Variants in PCBP3 observed in about 807,000 individuals in gnomAD.
PCBP3 encodes the protein poly(rC) binding protein 3.
Under a neutral mutation model 52.7 loss-of-function variants are expected in PCBP3, and 25 were observed. The observed-to-expected ratio is 0.47, with a 90% confidence interval of 0.35 to 0.66. PCBP3 has a LOEUF of 0.66. PCBP3 is among the 30% of genes least tolerant of loss of function. PCBP3 has a pLI of 0.01. For missense variants in PCBP3, 391 were observed against 490.3 expected (o/e 0.80, Z 1.91); for synonymous variants, 162 against 183.0 (o/e 0.89, Z 0.93).
chr21:45,739,678 T>G (rs1217344303), intron 3 of PCBP3, among the ~76,000 whole-genome samples: 13 of 109,912 alleles, frequency 1.2e-4, no homozygotes, highest in East Asian at 6.1e-4. Flanking sequence ...TCCTATCCAT[T>G]GTCCTCTGGG....
chr21:45,887,635 G>C (rs761779945), intron 5 of PCBP3, among the ~76,000 whole-genome samples: 3 of 152,364 alleles, frequency 2.0e-5, no homozygotes, highest in Middle Eastern at 3.4e-3. Context: ...GGTTTCCACT[G>C]GGCACCCAGG....
rs562930001 is a variant in PCBP3, at chr21:45,747,604, G to A, written c.-161-7813G>A. ...CGGGCCCCAGAACCAGGAGGGCCAG[G>A]GAAGACCTGGAGGTCTTGGCCGGCT... On this transcript the variant is annotated intron_variant, in intron 3 of 17. Coordinates refer to ENST00000681687, the MANE Select transcript of PCBP3 (RefSeq NM_001384156.1). Among the ~76,000 whole-genome samples, 10 of 152,356 alleles carry A rather than the reference G, an allele frequency of 6.6e-5. No homozygotes were observed. The East Asian group carries it at 1.9e-3, about 29-fold the overall frequency.
At chr21:45,798,745 TAGAG>T (rs1283634949) in intron 4 of PCBP3, among the ~76,000 whole-genome samples, 4 of 144,866 alleles carry the variant, frequency 2.8e-5, no homozygotes, top group African/African-American at 1.0e-4. Flanking sequence ...CATGGATCCA[TAGAG>T]AGAGTGAATG....
chr21:45,672,978 C>G (rs2081262931), intron 2 of PCBP3, among the ~76,000 whole-genome samples: 1 of 152,076 alleles, frequency 6.6e-6, no homozygotes, highest in South Asian at 2.1e-4. Context: ...TTCTCTTCCC[C>G]CTGAGCTGGA....
intron 2 of PCBP3, among the ~76,000 whole-genome samples, chr21:45,732,354 AG>A (rs940662913): frequency 2.0e-4 from 31 of 152,218 alleles, no homozygotes; most frequent in African/African-American, 7.0e-4. Flanking sequence ...GATAATAAAA[AG>A]GTTCCTGTAG....
chr21:45,739,043 C>T (rs2086138423), intron 3 of PCBP3, among the ~76,000 whole-genome samples: 1 of 129,030 alleles, frequency 7.8e-6, no homozygotes, highest in Admixed American at 7.5e-5. Context: ...TCAGCCCACC[C>T]CTTCCTGTCC....
chr21:45,931,198 A>G (rs1416457855), intron 15 of PCBP3, among the ~76,000 whole-genome samples: 2 of 152,256 alleles, frequency 1.3e-5, no homozygotes. Context: ...CCCGACTTGC[A>G]TTAAAATGTT....
In PCBP3 at chr21:45,728,375, T is replaced by C. The variant is rs909217205; in HGVS notation, c.-199-7017T>C. On this transcript the variant is annotated intron_variant, in intron 2 of 17. Coordinates refer to ENST00000681687, the MANE Select transcript of PCBP3 (RefSeq NM_001384156.1). Reference sequence around the variant, plus strand: ...TGGTGTTTCTTTTTTGTTTATATGGTGAATTACATTGATAGCTTTAAAAAA... The same window carrying C: ...TGGTGTTTCTTTTTTGTTTATATGGCGAATTACATTGATAGCTTTAAAAAA... 2.0e-5 allele frequency among the ~76,000 whole-genome samples: 3 copies of C among 152,346 alleles called. No homozygotes were observed. In the South Asian group the frequency reaches 6.2e-4, roughly 32 times the overall value.
chr21:45,762,481 C>CTTCTCTTTTTT (rs1440812461), intron 4 of PCBP3: 1 of 106,006 alleles, frequency 9.4e-6, no homozygotes, highest in African/African-American at 3.1e-5. Flanking sequence ...TTTTTCTTTT[C>CTTCTCTTTTTT]TTTTCTTCTC....
chr21:45,899,572 C>T (rs768225851), intron 6 of PCBP3, 27 bp from the exon 7 acceptor site: 4 of 1,599,922 alleles, frequency 2.5e-6, no homozygotes, highest in Non-Finnish European at 2.6e-6. Flanking sequence ...ATGACATCAT[C>T]TTTCTGTGAT....
rs987116474 is a variant in PCBP3, at chr21:45,928,081, C to T, written c.718-1836C>T. Among the ~76,000 whole-genome samples, 1 of 152,234 alleles carries T rather than the reference C, an allele frequency of 6.6e-6. No homozygotes were observed. Among genetic ancestry groups the T allele is most frequent in the Non-Finnish European group, 1.5e-5 (1 of 68,036 alleles). ...CTGGGACACTTGCGGTCTTTCCTGA[C>T]GTGCCCCGTCCAGGTGGGGCGCCTT... On this transcript the variant is annotated intron_variant, in intron 13 of 17. Coordinates refer to ENST00000681687, the MANE Select transcript of PCBP3 (RefSeq NM_001384156.1). The surrounding 1 kb of genome is among the most constrained non-coding windows in gnomAD (Gnocchi z 4.1).
At chr21:45,701,140 T>C (rs1245363834) in intron 2 of PCBP3, among the ~76,000 whole-genome samples, 2 of 152,254 alleles carry the variant, frequency 1.3e-5, no homozygotes, top group Non-Finnish European at 2.9e-5. Context: ...TTGAAATGAA[T>C]CCATCACACA....
In PCBP3 at chr21:45,899,594, T is replaced by G; in HGVS notation, c.166-5T>G. The G allele has an allele frequency of 6.2e-7, 1 of 1,609,998 alleles. No individual in the cohort carries two copies. Among genetic ancestry groups the G allele is most frequent in the Non-Finnish European group, 8.5e-7 (1 of 1,176,320 alleles). Reference sequence around the variant, plus strand: ...CATCTTTCTGTGATTTTTTTTTTCTTGCAGGAAGTTGGAAGCATCATCGGG... The same window carrying G: ...CATCTTTCTGTGATTTTTTTTTTCTGGCAGGAAGTTGGAAGCATCATCGGG... On this transcript the variant is annotated splice_region_variant and splice_polypyrimidine_tract_variant and intron_variant, in intron 6 of 17. Transcript: ENST00000681687.
At position 45,929,374 on chromosome 21, in the gene PCBP3, C is replaced by A. The variant is rs1219240980; in HGVS notation, c.718-543C>A. ...CAGATGTGTGGCCCCTCAGGTGTTC[C>A]CCCCACCCCAGGTCACCTCATGGGT... On this transcript the variant is annotated intron_variant, in intron 13 of 17. Transcript: ENST00000681687. Among the ~76,000 whole-genome samples, 12 of 152,274 alleles carry A rather than the reference C, an allele frequency of 7.9e-5. No homozygotes were observed. In the East Asian group the frequency reaches 2.3e-3, roughly 29 times the overall value.
Position 45,835,058 on chromosome 21 carries a change from G to A in PCBP3, c.-125-14903G>A, listed in dbSNP as rs1003274903. On this transcript the variant is annotated intron_variant, in intron 4 of 17. Coordinates refer to ENST00000681687, the MANE Select transcript of PCBP3 (RefSeq NM_001384156.1). ...ACGCCGCAGCAGCCTCTGCTGACAC[G>A]GGGGCTGCTCCCCACTCACAGAGCC... is the stretch of plus-strand genomic sequence containing the variant. 4.6e-5 allele frequency among the ~76,000 whole-genome samples: 7 copies of A among 152,208 alleles called. 1 individual carries two copies. In the South Asian group the frequency reaches 8.3e-4, roughly 18 times the overall value.
intron 4 of PCBP3, among the ~76,000 whole-genome samples, chr21:45,812,502 T>G (rs2092711273): frequency 6.6e-6 from 1 of 151,884 alleles, no homozygotes; most frequent in South Asian, 2.1e-4. Context: ...GCCTCCCGAG[T>G]TCAAGCGATT....
At chr21:45,727,443 G>T (rs2085133243) in intron 2 of PCBP3, among the ~76,000 whole-genome samples, 1 of 152,228 alleles carries the variant, frequency 6.6e-6, no homozygotes, top group African/African-American at 2.4e-5. Flanking sequence ...TGTACCCACA[G>T]CTCCCTGGAA....
intron 14 of PCBP3, among the ~76,000 whole-genome samples, chr21:45,930,413 C>A (rs1365169581): frequency 6.6e-6 from 1 of 152,212 alleles, no homozygotes; most frequent in Non-Finnish European, 1.5e-5. Flanking sequence ...CTGCAGGAAG[C>A]CACTGCGTAT....
At chr21:45,645,006 A>C (rs1478395898) in intron 1 of PCBP3, among the ~76,000 whole-genome samples, 1 of 152,228 alleles carries the variant, frequency 6.6e-6, no homozygotes, top group Non-Finnish European at 1.5e-5. Flanking sequence ...AGAATAATTC[A>C]TCATCTTAAA....
Sources: allele counts gnomAD v4.1 joint callset (sites outside exome capture counted in the v4.1 genomes callset), GRCh38; gene constraint gnomAD v4.1.1; non-coding constraint Gnocchi (gnomAD v3.1); transcripts MANE v1.5; gene names NCBI Gene and HGNC (gene_info 2026-07-23, HGNC 2026-07-21).